PLCB2: variants seen among roughly 807,000 people sequenced by gnomAD.
The protein encoded by PLCB2 is phospholipase C beta 2.
A neutral mutation model predicts 141.7 loss-of-function variants in PLCB2; 115 were observed. That is an observed-to-expected ratio of 0.81 (90% CI 0.70 to 0.95). The LOEUF is 0.95. Ranked by LOEUF, PLCB2 falls within the 40% of genes least tolerant of loss-of-function variation. The pLI, the probability that PLCB2 is intolerant of heterozygous loss-of-function variation, is 0.00. For synonymous variants in PLCB2, 603 were observed against 595.6 expected (o/e 1.01, Z -0.18); for missense variants, 1,403 against 1,541.1 (o/e 0.91, Z 1.50).
chr15:40,284,626 G>C, downstream of PLCB2: 1 of 451,780 alleles, frequency 2.2e-6, no homozygotes, highest in Non-Finnish European at 4.4e-6. Context: ...CGGATCACGA[G>C]ATCAAGGGAT....
intron 30 of PLCB2, chr15:40,289,630 T>C: frequency 1.9e-6 from 1 of 539,030 alleles, no homozygotes; most frequent in Admixed American, 3.2e-5. Context: ...TAATGATCCC[T>C]AGGGGAGCTT....
In PLCB2 at chr15:40,307,663, G is replaced by A. The variant is rs2040866277; in HGVS notation, c.10C>T (p.Leu4Phe). 3.2e-6 allele frequency: 5 copies of A among 1,567,264 alleles called. No individual in the cohort carries two copies. Among genetic ancestry groups the A allele is most frequent in the African/African-American group, 1.4e-5 (1 of 72,932 alleles). ...TTGGGGGGCAGCAGGACAGGGTTGA[G>A]CAGAGACATGGTGCCAAGCGTTCCT... MSL[L>F]NPVLLPPKVK... The change falls in exon 1 of 32, where the codon CTC becomes TTC. Residue 4 changes from leucine to phenylalanine, a missense_variant. Around this residue, in one of 4 missense-constraint regions of PLCB2, gnomAD observed 975 missense variants for 1,141.1 expected, o/e 0.85. Coordinates refer to ENST00000260402, the MANE Select transcript of PLCB2 (RefSeq NM_004573.3).
chr15:40,302,097 G>A (rs927072363), intron 6 of PLCB2, 39 bp downstream of exon 6: 6 of 1,612,918 alleles, frequency 3.7e-6, no homozygotes, highest in Non-Finnish European at 5.1e-6. Flanking sequence ...AAGGCTTTGG[G>A]GAGCCCCTGG....
At chr15:40,287,832 C>G, downstream of PLCB2, 1 of 682,266 alleles carries the variant, frequency 1.5e-6, no homozygotes, top group Non-Finnish European at 1.8e-6. Flanking sequence ...TTCCCCAGCC[C>G]GTTTCATTTC....
Position 40,291,161 on chromosome 15 carries a change from C to G in PLCB2, c.2893G>C (p.Ala965Pro). 6.4e-7 allele frequency: 1 copy of G among 1,569,920 alleles called. No individual in the cohort carries two copies. The change falls in exon 27 of 32, where the codon GCC becomes CCC. Residue 965 changes from alanine to proline, a missense_variant. This residue lies in a region of PLCB2 where 290 missense variants were observed against 245.9 expected (regional missense o/e 1.18). Coordinates refer to ENST00000260402, the MANE Select transcript of PLCB2 (RefSeq NM_004573.3). ...KKRSLPREESAGAAPGEGPEG... is the reference protein window; with the variant it reads ...KKRSLPREESPGAAPGEGPEG... ...GGGCCCTCGCCCGGCGCGGCTCCGG[C>G]GCTCTCCTCGCGGGGCAGGCTCCTG... is the stretch of plus-strand genomic sequence containing the variant.
intron 1 of PLCB2, among the ~76,000 whole-genome samples, chr15:40,306,704 T>C (rs1053410082): frequency 1.3e-5 from 2 of 152,108 alleles, no homozygotes; most frequent in Non-Finnish European, 2.9e-5. Flanking sequence ...TCCCATCAGG[T>C]GGACAAGTCA....
At position 40,297,665 on chromosome 15, in the gene PLCB2, C is replaced by A. The variant is rs528464717; in HGVS notation, c.1239-60G>T. On this transcript the variant is annotated intron_variant, in intron 12 of 31. Coordinates refer to ENST00000260402, the MANE Select transcript of PLCB2 (RefSeq NM_004573.3). The surrounding 1 kb of genome is among the most constrained non-coding windows in gnomAD (Gnocchi z 4.2). ...GCTCAGCACCAACCCTATTATGCAT[C>A]CTTTTGTGCCCTTGATGACCCAGAT... 7 of 1,391,798 alleles carry A rather than the reference C, an allele frequency of 5.0e-6. No homozygotes were observed. Among genetic ancestry groups the A allele is most frequent in the African/African-American group, 2.8e-5 (2 of 71,056 alleles). The allele number at this position is 1,391,798 out of a possible 1,614,324, so 86.2% of individuals were successfully genotyped here.
chr15:40,296,936 A>AT, intron 13 of PLCB2, 28 bp from the exon 14 acceptor site: 1 of 1,611,516 alleles, frequency 6.2e-7, no homozygotes, highest in Non-Finnish European at 8.5e-7. Context: ...GGTCAGCACC[A>AT]TCTTCTCACC....
chr15:40,290,718 C>T (rs1438263555), intron 28 of PLCB2, 43 bp downstream of exon 28: 23 of 1,612,426 alleles, frequency 1.4e-5, no homozygotes, highest in Non-Finnish European at 2.0e-5. Flanking sequence ...CGGCTGAGCC[C>T]TTGCTGGGAG....
chr15:40,291,015 C>T lies in PLCB2; in HGVS notation c.3036+3G>A. On this transcript the variant is annotated splice_donor_region_variant and intron_variant, in intron 27 of 31. Transcript: ENST00000260402. ...GGGTTGTCGCCCTGCCCCTCCCGGC[C>T]ACCTCGGCCACGTGCTGCTCCTTGC... is the stretch of plus-strand genomic sequence containing the variant. The T allele has an allele frequency of 1.9e-6, 3 of 1,591,096 alleles. No homozygotes were observed. The highest frequency in any genetic ancestry group is 2.7e-5 in the African/African-American group (2 of 74,816).
downstream of PLCB2, chr15:40,287,813 G>C (rs939837838): frequency 1.9e-6 from 1 of 519,602 alleles, no homozygotes; most frequent in Non-Finnish European, 2.5e-6. Flanking sequence ...GCTCCCAAGA[G>C]ATTTTTTTTT....
In PLCB2 at chr15:40,291,458, G is replaced by A. The variant is rs972052467; in HGVS notation, c.2677C>T (p.Arg893Trp). 17 of 1,562,774 alleles carry A rather than the reference G, an allele frequency of 1.1e-5. No homozygotes were observed. The highest frequency in any genetic ancestry group is 1.4e-5 in the Non-Finnish European group (16 of 1,159,674). ...AGCTTCACCACGCCCTTTAGCTCCC[G>A]GAGCTCCTCCAGGCTGGCGGTCCGC... ...EPRTASLEEL[R>W]ELKGVVKLQR... Residue 893 changes from arginine to tryptophan, a missense_variant, in exon 26 of 32, where the codon CGG becomes TGG. By Grantham distance (101) the Arg-to-Trp change is moderately radical (BLOSUM62 -3). Transcript: ENST00000260402.
Position 40,291,106 on chromosome 15 carries a change from A to G in PLCB2, c.2948T>C (p.Leu983Pro). ...PEGVDGRVRE[L>P]KDRLELELLR... Reference sequence around the variant, plus strand: ...CAGCTCCAGCTCCAGCCTGTCTTTCAGCTCCCGCACGCGCCCGTCCACGCC... The same window carrying G: ...CAGCTCCAGCTCCAGCCTGTCTTTCGGCTCCCGCACGCGCCCGTCCACGCC... Residue 983 changes from leucine to proline, a missense_variant, in exon 27 of 32, where the codon CTG (leucine) becomes CCG (proline). Leu to Pro is a moderately conservative substitution (Grantham distance 98). Coordinates refer to ENST00000260402, the MANE Select transcript of PLCB2 (RefSeq NM_004573.3). 1 of 1,585,756 alleles carries G rather than the reference A, an allele frequency of 6.3e-7. No homozygotes were observed. The highest frequency in any genetic ancestry group is 8.5e-7 in the Non-Finnish European group (1 of 1,173,892).
chr15:40,297,001 ACTCCT>A lies in PLCB2; in HGVS notation c.1324-98_1324-94del. 2.4e-6 allele frequency: 3 copies of A among 1,227,662 alleles called. No individual in the cohort carries two copies. The allele number at this position is 1,227,662 out of a possible 1,614,324, so 76.0% of individuals were successfully genotyped here. A position where few individuals can be genotyped will look rare whatever the true frequency, so the allele number is the denominator to read the frequency against. ...CAGGCATGCTCCCTCGGCCTCCCCC[ACTCCT>A]CTTGACCTGCCTCTCACTACTGCTT... On this transcript the variant is annotated intron_variant, in intron 13 of 31. Transcript: ENST00000260402. The surrounding 1 kb of genome is among the most constrained non-coding windows in gnomAD (Gnocchi z 4.2).
chr15:40,284,932 T>C (rs1054887494), downstream of PLCB2, among the ~76,000 whole-genome samples: 6 of 151,080 alleles, frequency 4.0e-5, no homozygotes, highest in African/African-American at 4.9e-5. Flanking sequence ...GGGGACACTA[T>C]TGAGGGCTGC....
chr15:40,290,908 G>A, intron 27 of PLCB2, 71 bp from the exon 28 acceptor site: 1 of 1,409,988 alleles, frequency 7.1e-7, no homozygotes, highest in Non-Finnish European at 9.7e-7. Flanking sequence ...GGCGGGGGTC[G>A]GTGGAGGGGA....
In PLCB2 at chr15:40,303,273, A is replaced by C. The variant is rs2305646; in HGVS notation, c.231+15T>G. 0.047 allele frequency: 74,349 copies of C among 1,598,158 alleles called. 2,096 individuals carry two copies. The highest frequency in any genetic ancestry group is 0.085 in the East Asian group (3,813 of 44,774). Reference sequence around the variant, plus strand: ...TAGCTGTGCTTGAGCCTGGGCTGCTACTGGACACACCTACCTTGGGCATCT... The same window carrying C: ...TAGCTGTGCTTGAGCCTGGGCTGCTCCTGGACACACCTACCTTGGGCATCT... On this transcript the variant is annotated intron_variant, in intron 3 of 31. Coordinates refer to ENST00000260402, the MANE Select transcript of PLCB2 (RefSeq NM_004573.3).
intron 8 of PLCB2, 33 bp from the exon 9 acceptor site, chr15:40,298,997 T>G: frequency 6.3e-7 from 1 of 1,596,292 alleles, no homozygotes; most frequent in Non-Finnish European, 8.5e-7. Flanking sequence ...CAGGTCCATA[T>G]CCCTTGGGCC....
At chr15:40,299,082 TA>T in intron 8 of PLCB2, 45 bp downstream of exon 8, 1 of 1,568,782 alleles carries the variant, frequency 6.4e-7, no homozygotes, top group East Asian at 2.2e-5. Flanking sequence ...AGGGGATTGT[TA>T]GCCACCACCC....
Sources: gnomAD v4.1 joint callset for allele counts (sites outside exome capture counted in the v4.1 genomes callset) on GRCh38, gnomAD v4.1.1 for gene constraint, gnomAD v4.1.1 regional missense constraint, Gnocchi (gnomAD v3.1) non-coding constraint, MANE v1.5 for transcripts, NCBI Gene and HGNC (gene_info 2026-07-23, HGNC 2026-07-21) for gene names.